Variants in PATL2 observed in about 807,000 individuals in gnomAD.
PATL2 encodes PAT1 homolog 2.
PATL2 carries 73 observed loss-of-function variants against 77.0 expected under a neutral mutation model. The ratio of observed to expected loss-of-function variants is 0.95; its 90% CI spans 0.78 to 1.15. The LOEUF is 1.15. PATL2 is among the 50% of genes most tolerant of loss of function. PATL2 has a pLI of 0.00. For missense variants in PATL2, 618 were observed against 655.4 expected (o/e 0.94, Z 0.62); for synonymous variants, 265 against 257.1 (o/e 1.03, Z -0.29).
chr15:44,694,372 C>T (rs1422874701), intron 3 of PATL2, among the ~76,000 whole-genome samples: 3 of 152,148 alleles, frequency 2.0e-5, no homozygotes, highest in South Asian at 2.1e-4. Context: ...GCAAGTTGAT[C>T]CACAGTTAAA....
chr15:44,682,380 C>T (rs866876655), intron 3 of PATL2, among the ~76,000 whole-genome samples: 2 of 152,340 alleles, frequency 1.3e-5, no homozygotes, highest in South Asian at 4.1e-4. Context: ...GCACCTACCA[C>T]ACTGTGTCGT....
chr15:44,681,550 T>G (rs1230215403), intron 3 of PATL2, among the ~76,000 whole-genome samples: 1 of 152,166 alleles, frequency 6.6e-6, no homozygotes, highest in Non-Finnish European at 1.5e-5. Context: ...TCAGGCTACT[T>G]CTCAGTCCTC....
At chr15:44,694,848 T>A (rs2086468652) in intron 3 of PATL2, among the ~76,000 whole-genome samples, 1 of 152,090 alleles carries the variant, frequency 6.6e-6, no homozygotes. Context: ...GAACCACACA[T>A]GGACATGCCT....
chr15:44,676,792 G>A, intron 3 of PATL2: 1 of 1,210,370 alleles, frequency 8.3e-7, no homozygotes, highest in African/African-American at 1.6e-5. Flanking sequence ...GCTAGAAGCA[G>A]GAAGAGAAGT....
At position 44,667,047 on chromosome 15, in the gene PATL2, G is replaced by A. The variant is rs1392084659; in HGVS notation, c.1463+59C>T. ...AATGCCTCAGGAAATACTTCACCTGGCTCAGTCTGCACATCCCGAGGGTAC... is the reference window on the plus strand; with the variant it reads ...AATGCCTCAGGAAATACTTCACCTGACTCAGTCTGCACATCCCGAGGGTAC... On this transcript the variant is annotated intron_variant, in intron 16 of 17. Transcript: ENST00000682850. 3.1e-6 allele frequency: 4 copies of A among 1,299,160 alleles called. No homozygotes were observed. In the African/African-American group the frequency reaches 4.4e-5, roughly 14 times the overall value. 80.5% of individuals were successfully genotyped at this position (1,299,160 alleles called of 1,614,324 possible).
chr15:44,711,390 C>T (rs74929217), upstream of PATL2: 670 of 804,826 alleles, frequency 8.3e-4, 2 homozygotes, highest in African/African-American at 1.0e-2. Context: ...AAACTGAAAA[C>T]GGGAAAGTCC....
rs1378421322 is a variant in PATL2, at chr15:44,672,136, C to A, written c.536G>T (p.Trp179Leu). ...QTPSPPAKKPWSQQPDPYANL... is the reference protein window; with the variant it reads ...QTPSPPAKKPLSQQPDPYANL... ...AGCATAGGGGTCTGGCTGCTGAGAC[C>A]AAGGCTTCTTGGCTGGGGGACTTTA... Residue 179 changes from tryptophan to leucine, a missense_variant, in exon 9 of 18, where the codon TGG (tryptophan) becomes TTG (leucine). By Grantham distance (61) the Trp-to-Leu change is moderately conservative. Transcript: ENST00000682850. 6.4e-7 allele frequency: 1 copy of A among 1,551,684 alleles called. No individual in the cohort carries two copies. Among genetic ancestry groups the A allele is most frequent in the Non-Finnish European group, 8.7e-7 (1 of 1,146,996 alleles).
rs1439853869 is a variant in PATL2 at position 44,669,340 on chromosome 15, T to C, written c.1004A>G (p.Gln335Arg). Residue 335 changes from glutamine (Q) to arginine (R), a missense_variant, in exon 13 of 18, where the codon CAA becomes CGA. Gln to Arg is a conservative substitution (Grantham distance 43, BLOSUM62 1). Transcript: ENST00000682850. ...RPPPPCFSEQ[Q>R]SNQVEKLFQT... ...GAAGAGCTTCTCAACCTGGTTGCTT[T>C]GCTGCTCAGAAAAGCAGGGCGGTGG... 2 of 1,551,542 alleles carry C rather than the reference T, an allele frequency of 1.3e-6. No homozygotes were observed. The highest frequency in any genetic ancestry group is 2.7e-5 in the African/African-American group (2 of 73,034).
chr15:44,685,270 G>A (rs1385463026), intron 3 of PATL2, among the ~76,000 whole-genome samples: 2 of 152,106 alleles, frequency 1.3e-5, no homozygotes, highest in Non-Finnish European at 2.9e-5. Context: ...ATGTAAACAG[G>A]CTAAATGCCC....
rs1339829676 is a variant in PATL2 at position 44,673,413 on chromosome 15, T to G, written c.304-36A>C. The G allele has an allele frequency of 7.1e-6, 11 of 1,549,458 alleles. No homozygotes were observed. In the Admixed American group the frequency reaches 2.2e-4, roughly 30 times the overall value. ...AATTAAGAGGTCTGGGAGAACGCCA[T>G]CTCCACCAAAAGAATGCTGCTCTTG... On this transcript the variant is annotated intron_variant, in intron 6 of 17. Transcript: ENST00000682850.
At chr15:44,706,098 C>A (rs1037059217) in intron 3 of PATL2, among the ~76,000 whole-genome samples, 2 of 152,180 alleles carry the variant, frequency 1.3e-5, no homozygotes, top group Non-Finnish European at 2.9e-5. Context: ...CCGTGCCTGA[C>A]CAAAACAGCT....
At chr15:44,683,864 G>A (rs1230912531) in intron 3 of PATL2, among the ~76,000 whole-genome samples, 1 of 152,102 alleles carries the variant, frequency 6.6e-6, no homozygotes, top group Non-Finnish European at 1.5e-5. Context: ...GCATCTTGTG[G>A]GTGCCCCTCT....
rs1435300045 is a variant in PATL2, at chr15:44,673,236, T to C, written c.445A>G (p.Ser149Gly). The C allele has an allele frequency of 1.4e-5, 21 of 1,551,212 alleles. No individual in the cohort carries two copies. The highest frequency in any genetic ancestry group is 1.2e-5 in the South Asian group (1 of 84,044). ...CTGGGGAGAACCTCAAACCAGTACCTGAACCTAGGGGGCCACGAGGTCAGC... is the reference window on the plus strand; with the variant it reads ...CTGGGGAGAACCTCAAACCAGTACCCGAACCTAGGGGGCCACGAGGTCAGC... Reference protein sequence around the residue: ...SLLTSWPPRFSHLTQLHPRHQ... With the variant: ...SLLTSWPPRFGHLTQLHPRHQ... The change falls in exon 7 of 18, where the codon AGT (serine) becomes GGT (glycine). Residue 149 changes from serine (S) to glycine (G), a missense_variant and splice_region_variant. Physicochemically the swap from Ser to Gly is moderately conservative, Grantham distance 56. Transcript: ENST00000682850.
chr15:44,681,778 C>A (rs545827519), intron 3 of PATL2, among the ~76,000 whole-genome samples: 3 of 152,332 alleles, frequency 2.0e-5, no homozygotes, highest in African/African-American at 7.2e-5. Flanking sequence ...AGATCAGACA[C>A]CCCTCAACTT....
intron 3 of PATL2, among the ~76,000 whole-genome samples, chr15:44,708,922 G>C (rs146669824): frequency 6.6e-6 from 1 of 152,192 alleles, no homozygotes; most frequent in African/African-American, 2.4e-5. Context: ...TTTTTGAGAT[G>C]AAGTCTTGCT....
At chr15:44,709,683 C>T (rs2086811723) in intron 3 of PATL2, among the ~76,000 whole-genome samples, 1 of 152,168 alleles carries the variant, frequency 6.6e-6, no homozygotes. Flanking sequence ...AAGAAAAATA[C>T]AGGTATTCCC....
rs759248639 is a variant in PATL2, at chr15:44,676,522, G to T, written c.-32C>A. The stretch of plus-strand genomic sequence containing the variant: ...AGGCTGGTGGACTTCCTTCTTAGCC[G>T]TGTCCTCCAGTGAAACAGCATTGCC... On this transcript the variant is annotated 5_prime_UTR_variant, in exon 4 of 18. Transcript: ENST00000682850. The T allele has an allele frequency of 1.3e-6, 2 of 1,550,946 alleles. No individual in the cohort carries two copies. Among genetic ancestry groups the T allele is most frequent in the African/African-American group, 1.4e-5 (1 of 72,984 alleles).
In PATL2 at chr15:44,673,422, A is replaced by G. The variant is rs191911573; in HGVS notation, c.304-45T>C. On this transcript the variant is annotated intron_variant, in intron 6 of 17. Coordinates refer to ENST00000682850, the MANE Select transcript of PATL2 (RefSeq NM_001387263.1). ...GTCTGGGAGAACGCCATCTCCACCA[A>G]AAGAATGCTGCTCTTGTTGTGAGGG... 41 of 1,546,324 alleles carry G rather than the reference A, an allele frequency of 2.7e-5. No individual in the cohort carries two copies. The African/African-American group carries it at 4.9e-4, about 19-fold the overall frequency.
chr15:44,672,298 AT>A, intron 8 of PATL2, 89 bp downstream of exon 8: 1 of 1,523,602 alleles, frequency 6.6e-7, no homozygotes. Context: ...TAACCACCAC[AT>A]GGGAGATTTG....
Sources: allele counts gnomAD v4.1 joint callset (sites outside exome capture counted in the v4.1 genomes callset), GRCh38; gene constraint gnomAD v4.1.1; transcripts MANE v1.5; gene names NCBI Gene and HGNC (gene_info 2026-07-23, HGNC 2026-07-21).